DGCR8: variants seen among roughly 807,000 people sequenced by gnomAD.
DGCR8 encodes microprocessor complex subunit DGCR8.
DGCR8 carries 14 observed loss-of-function variants against 78.5 expected under a neutral mutation model. The observed-to-expected ratio is 0.18, with a 90% CI of 0.12 to 0.28. DGCR8 has a LOEUF of 0.28. Ranked by LOEUF, DGCR8 falls within the 10% of genes least tolerant of loss-of-function variation. DGCR8 has a pLI of 1.00. For synonymous variants in DGCR8, 399 were observed against 402.4 expected, an observed-to-expected ratio of 0.99 and a Z score of 0.10; for missense variants, 702 against 1,022.5, an observed-to-expected ratio of 0.69 and a Z score of 4.28.
Position 20,107,361 on chromosome 22 carries a change from G to A in DGCR8, c.2087G>A (p.Arg696His). The A allele has an allele frequency of 6.2e-7, 1 of 1,614,152 alleles. No individual in the cohort carries two copies. The change falls in exon 12 of 14, where the codon CGC becomes CAC. Residue 696 changes from arginine to histidine, a missense_variant. By Grantham distance (29) the Arg-to-His change is conservative. Transcript: ENST00000351989. ...PHVKNWGSLLRMYGRESSKMV... is the reference protein window; with the variant it reads ...PHVKNWGSLLHMYGRESSKMV... Reference sequence around the variant, plus strand: ...GTCAAGAACTGGGGGTCTTTACTGCGCATGTATGGCCGTGAGAGCAGCAAG... The same window carrying A: ...GTCAAGAACTGGGGGTCTTTACTGCACATGTATGGCCGTGAGAGCAGCAAG...
chr22:20,092,955 T>C (rs751963726), intron 8 of DGCR8, 48 bp downstream of exon 8: 5 of 1,498,348 alleles, frequency 3.3e-6, no homozygotes, highest in Non-Finnish European at 4.6e-6. Flanking sequence ...CTGCTGTGTC[T>C]GCCTCGCTGC....
chr22:20,086,826 G>A lies in DGCR8; in HGVS notation c.720+143G>A. The A allele has an allele frequency of 2.9e-6, 3 of 1,044,124 alleles. No homozygotes were observed. Among genetic ancestry groups the A allele is most frequent in the Non-Finnish European group, 4.1e-6 (3 of 732,856 alleles). 64.7% of individuals were successfully genotyped at this position (1,044,124 alleles called of 1,614,324 possible). On this transcript the variant is annotated intron_variant, in intron 2 of 13. Coordinates refer to ENST00000351989, the MANE Select transcript of DGCR8 (RefSeq NM_022720.7). The surrounding 1 kb of genome is among the most constrained non-coding windows in gnomAD (Gnocchi z 6.4). ...CCCTCTGAGGTGGAATAATGTTAAT[G>A]TGGAGAAGAGAAAGATGTAAGGAGT... is the stretch of plus-strand genomic sequence containing the variant.
At chr22:20,098,713 C>T (rs1013635224) in intron 9 of DGCR8, among the ~76,000 whole-genome samples, 4 of 152,140 alleles carry the variant, frequency 2.6e-5, no homozygotes, top group Non-Finnish European at 5.9e-5. Context: ...AGGCCTTTCT[C>T]CGTGGGTGGA....
intron 9 of DGCR8, chr22:20,101,272 T>A (rs1413225782): frequency 2.6e-5 from 26 of 985,270 alleles, no homozygotes; most frequent in Non-Finnish European, 3.1e-5. Flanking sequence ...TTGACCCTCT[T>A]ATTTGTATAT....
Position 20,107,347 on chromosome 22 carries a change from G to C in DGCR8, c.2073G>C (p.Trp691Cys), listed in dbSNP as rs1255917059. 1 of 1,614,188 alleles carries C rather than the reference G, an allele frequency of 6.2e-7. No individual in the cohort carries two copies. The highest frequency in any genetic ancestry group is 2.2e-5 in the East Asian group (1 of 44,878). Residue 691 changes from tryptophan (W) to cysteine (C), a missense_variant, in exon 12 of 14, where the codon TGG (tryptophan) becomes TGC (cysteine). Physicochemically the swap from Trp to Cys is radical, Grantham distance 215 (BLOSUM62 -2). This residue lies in a region of DGCR8 where 225 missense variants were observed against 427.7 expected (regional missense o/e 0.53). Transcript: ENST00000351989. ...TGCTGCACCCACATGTCAAGAACTG[G>C]GGGTCTTTACTGCGCATGTATGGCC... is the stretch of plus-strand genomic sequence containing the variant. ...LQLLHPHVKN[W>C]GSLLRMYGRE...
Position 20,089,956 on chromosome 22 carries a change from T to TG in DGCR8, c.1024-19dup. 1 of 1,596,974 alleles carries TG rather than the reference T, an allele frequency of 6.3e-7. No individual in the cohort carries two copies. The highest frequency in any genetic ancestry group is 1.1e-5 in the South Asian group (1 of 88,740). On this transcript the variant is annotated intron_variant, in intron 4 of 13. Transcript: ENST00000351989. The surrounding 1 kb of genome is among the most constrained non-coding windows in gnomAD (Gnocchi z 4.9). ...CTCGGGTTGTCCTTGTAATCCATAT[T>TG]GCAATTTCACTATCCACAGAAACAC...
Position 20,106,292 on chromosome 22 carries a change from T to C in DGCR8, c.1889+15T>C. The C allele has an allele frequency of 6.3e-7, 1 of 1,586,176 alleles. No individual in the cohort carries two copies. Among genetic ancestry groups the C allele is most frequent in the Non-Finnish European group, 8.6e-7 (1 of 1,156,090 alleles). The stretch of plus-strand genomic sequence containing the variant: ...TGCCTTAAAAGGTAGGGTAGGGGGG[T>C]GCCTCCCCCCATGAGTCAGGTCGGG... On this transcript the variant is annotated intron_variant, in intron 10 of 13. Coordinates refer to ENST00000351989, the MANE Select transcript of DGCR8 (RefSeq NM_022720.7).
At chr22:20,082,090 T>A (rs2049425322) in intron 1 of DGCR8, among the ~76,000 whole-genome samples, 1 of 150,932 alleles carries the variant, frequency 6.6e-6, no homozygotes, top group Admixed American at 6.6e-5. Flanking sequence ...AGAATCTCGC[T>A]CTGTCGCCCA....
In DGCR8 at chr22:20,090,072, G is replaced by A. The variant is rs372247721; in HGVS notation, c.1120G>A (p.Gly374Arg). 4.5e-5 allele frequency: 72 copies of A among 1,614,246 alleles called. No individual in the cohort carries two copies. The African/African-American group carries it at 8.4e-4, about 19-fold the overall frequency. Residue 374 changes from glycine (G) to arginine (R), a missense_variant, in exon 5 of 14, where the codon GGG becomes AGG. Physicochemically the swap from Gly to Arg is moderately radical, Grantham distance 125. Transcript: ENST00000351989. ...GCAAAGCAGTGACCTCACCCCTAGTGGGGATGTGTCCCCCGTCAAGCCCCT... is the reference window on the plus strand; with the variant it reads ...GCAAAGCAGTGACCTCACCCCTAGTAGGGATGTGTCCCCCGTCAAGCCCCT... ...REQSSDLTPS[G>R]DVSPVKPLSR...
intron 9 of DGCR8, among the ~76,000 whole-genome samples, chr22:20,099,552 C>T (rs1454722240): frequency 2.0e-5 from 3 of 152,150 alleles, no homozygotes; most frequent in East Asian, 1.9e-4. Context: ...GGGAATGGGG[C>T]GAGTTAAGAT....
Position 20,080,284 on chromosome 22 carries a change from G to T in DGCR8, c.-377G>T, listed in dbSNP as rs915410164. On this transcript the variant is annotated 5_prime_UTR_variant, in exon 1 of 14. Coordinates refer to ENST00000351989, the MANE Select transcript of DGCR8 (RefSeq NM_022720.7). ...GCAGGCGGGTGCCGGCGACCGGAGA[G>T]CCTGGACAGGCTTTCCAGATGGCTG... The T allele has an allele frequency of 5.2e-5, 51 of 980,946 alleles. No individual in the cohort carries two copies. The highest frequency in any genetic ancestry group is 8.8e-5 in the African/African-American group (5 of 56,848). 60.8% of individuals were successfully genotyped at this position (980,946 alleles called of 1,614,324 possible).
At chr22:20,102,450 T>C (rs2049714842) in intron 9 of DGCR8, among the ~76,000 whole-genome samples, 1 of 152,154 alleles carries the variant, frequency 6.6e-6, no homozygotes, top group South Asian at 2.1e-4. Context: ...CATTCTTCCT[T>C]GAGGGACACT....
rs2049571350 is a variant in DGCR8, at chr22:20,092,061, A to T, written c.1606+91A>T. The T allele has an allele frequency of 5.1e-6, 5 of 981,866 alleles. No homozygotes were observed. The Admixed American group carries it at 8.4e-5, about 16-fold the overall frequency. The allele number at this position is 981,866 out of a possible 1,614,324, so 60.8% of individuals were successfully genotyped here. On this transcript the variant is annotated intron_variant, in intron 7 of 13. Coordinates refer to ENST00000351989, the MANE Select transcript of DGCR8 (RefSeq NM_022720.7). ...GAGGCAGGCGCTGACCGCTAGCCCT[A>T]CTCTACTGGAACGGGAGGAAAGGGA...
rs2049528217 is a variant in DGCR8 at position 20,089,573 on chromosome 22, T to C, written c.881-96T>C. 2.2e-6 allele frequency: 3 copies of C among 1,388,088 alleles called. No individual in the cohort carries two copies. The Admixed American group carries it at 5.3e-5, about 25-fold the overall frequency. 86.0% of individuals were successfully genotyped at this position (1,388,088 alleles called of 1,614,324 possible). A position where few individuals can be genotyped will look rare whatever the true frequency, so the allele number is the denominator to read the frequency against. ...ATCTGTGAAGACCCAGTTAAACACA[T>C]GCTAGTACCCAACAATTTCTTGTGC... On this transcript the variant is annotated intron_variant, in intron 3 of 13. Transcript: ENST00000351989. The surrounding 1 kb of genome is among the most constrained non-coding windows in gnomAD (Gnocchi z 4.9).
In DGCR8 at chr22:20,085,386, G is replaced by C. The variant is rs1319751601; in HGVS notation, c.-277-301G>C. On this transcript the variant is annotated intron_variant, in intron 1 of 13. Coordinates refer to ENST00000351989, the MANE Select transcript of DGCR8 (RefSeq NM_022720.7). The surrounding 1 kb of genome is among the most constrained non-coding windows in gnomAD (Gnocchi z 6.2). ...TTATCTGAGTTAGAAGAATGCTGTG[G>C]TGGAGTTTAGTGTAAATTTTTAAAA... Among the ~76,000 whole-genome samples, 1 of 152,214 alleles carries C rather than the reference G, an allele frequency of 6.6e-6. No individual in the cohort carries two copies. The highest frequency in any genetic ancestry group is 2.4e-5 in the African/African-American group (1 of 41,450).
Position 20,104,289 on chromosome 22 carries a change from C to T in DGCR8, c.1789-1888C>T, listed in dbSNP as rs373253408. Among the ~76,000 whole-genome samples the T allele has an allele frequency of 4.3e-4, 65 of 152,252 alleles. 1 individual carries two copies. In the East Asian group the frequency reaches 0.011, roughly 27 times the overall value. ...ACGCCATTCTCCTGCCTCAGCCTCC[C>T]GAGTAGCTGGGACTACAGGCGCCTG... On this transcript the variant is annotated intron_variant, in intron 9 of 13. Coordinates refer to ENST00000351989, the MANE Select transcript of DGCR8 (RefSeq NM_022720.7).
intron 12 of DGCR8, 69 bp downstream of exon 12, chr22:20,107,467 T>G (rs2049784304): frequency 6.3e-7 from 1 of 1,588,234 alleles, no homozygotes; most frequent in African/African-American, 1.3e-5. Context: ...TGAGGCTCTG[T>G]GCTCAGAGGG....
chr22:20,106,477 T>C, intron 10 of DGCR8, 115 bp from the exon 11 acceptor site: 1 of 868,332 alleles, frequency 1.2e-6, no homozygotes, highest in Non-Finnish European at 1.9e-6. Flanking sequence ...CTGGCTGAGA[T>C]GCAGTCTGGG....
chr22:20,102,038 G>A (rs929814543), intron 9 of DGCR8: 1 of 984,116 alleles, frequency 1.0e-6, no homozygotes, highest in Non-Finnish European at 1.2e-6. Context: ...TGGGTTGGTG[G>A]TTCATGGCTA....
Sources: allele counts gnomAD v4.1 joint callset (sites outside exome capture counted in the v4.1 genomes callset), GRCh38; gene constraint gnomAD v4.1.1; regional missense constraint gnomAD v4.1.1; non-coding constraint Gnocchi (gnomAD v3.1); transcripts MANE v1.5; gene names NCBI Gene and HGNC (gene_info 2026-07-23, HGNC 2026-07-21).